ZNF430: variants seen among roughly 807,000 people sequenced by gnomAD.
The protein encoded by ZNF430 is zinc finger protein 430.
ZNF430 carries 35 observed loss-of-function variants against 56.7 expected under a neutral mutation model. The observed-to-expected ratio is 0.62, with a 90% confidence interval of 0.47 to 0.82. The LOEUF is 0.82. Among genes scored for constraint, ZNF430 ranks in the 40% least tolerant of loss-of-function variants. The probability of loss-of-function intolerance (pLI) is 0.00; values close to 1 mark genes in which losing one functional copy is unlikely to be tolerated. For synonymous variants in ZNF430, 212 were observed against 224.3 expected (o/e 0.94, Z 0.49); for missense variants, 574 against 661.0 (o/e 0.87, Z 1.44).
chr19:21,049,421 A>G (rs1417899632), intron 4 of ZNF430: 1 of 152,020 alleles, frequency 6.6e-6, no homozygotes, highest in African/African-American at 2.4e-5. Flanking sequence ...GGAGCTTTAT[A>G]TATGGTTTTA....
intron 4 of ZNF430, chr19:21,036,111 T>C (rs563684153): frequency 6.6e-6 from 1 of 152,390 alleles, no homozygotes; most frequent in East Asian, 1.9e-4. Context: ...TTGTGTTTTT[T>C]TGTTTCACTT....
intron 4 of ZNF430, among the ~76,000 whole-genome samples, chr19:21,041,363 A>G (rs1968099305): frequency 6.6e-6 from 1 of 152,144 alleles, no homozygotes; most frequent in African/African-American, 2.4e-5. Context: ...CAGACTCCTG[A>G]GTTAAAGTAA....
At chr19:21,048,263 T>C (rs1387081997) in intron 4 of ZNF430, among the ~76,000 whole-genome samples, 1 of 126,896 alleles carries the variant, frequency 7.9e-6, no homozygotes, top group Non-Finnish European at 1.6e-5. Flanking sequence ...AGGACAATAG[T>C]GGAGGGAAGG....
chr19:21,033,132 C>T (rs1967932341), intron 2 of ZNF430, among the ~76,000 whole-genome samples: 2 of 151,918 alleles, frequency 1.3e-5, no homozygotes, highest in Non-Finnish European at 2.9e-5. Flanking sequence ...AGGCGGGTGG[C>T]TCACCTGAGG....
intron 4 of ZNF430, among the ~76,000 whole-genome samples, chr19:21,051,984 G>A (rs1475225832): frequency 1.3e-5 from 2 of 151,504 alleles, no homozygotes; most frequent in African/African-American, 4.9e-5. Context: ...AAAATGCAAT[G>A]AGAAATTAAA....
At chr19:21,055,190 T>C (rs1599509626) in intron 4 of ZNF430, among the ~76,000 whole-genome samples, 1 of 152,052 alleles carries the variant, frequency 6.6e-6, no homozygotes, top group African/African-American at 2.4e-5. Context: ...TCTCTGAAAC[T>C]TTTATATTTT....
intron 2 of ZNF430, among the ~76,000 whole-genome samples, chr19:21,027,659 G>C (rs940019635): frequency 5.3e-5 from 8 of 151,862 alleles, no homozygotes; most frequent in Admixed American, 2.6e-4. Context: ...TATATATAAT[G>C]AGTTGAAAAG....
rs139798103 is a variant in ZNF430, at chr19:21,057,877, C to T, written c.1569C>T (p.Ser523=). The change falls in exon 5 of 5, where the codon AGC becomes AGT. Residue 523 remains serine (S), a synonymous_variant. Coordinates refer to ENST00000261560, the MANE Select transcript of ZNF430 (RefSeq NM_025189.4). ...ACCTAGAATGTGATAAAGCCTTTAG[C>T]CAGTCTTCAACTCTTACTAAACATA... is the stretch of plus-strand genomic sequence containing the variant. ...YKYLECDKAF[S]QSSTLTKHKV... 15 of 1,613,398 alleles carry T rather than the reference C, an allele frequency of 9.3e-6. No individual in the cohort carries two copies. In the African/African-American group the frequency reaches 1.7e-4, roughly 19 times the overall value.
chr19:21,056,539 A>C, intron 4 of ZNF430, 92 bp from the exon 5 acceptor site: 1 of 909,406 alleles, frequency 1.1e-6, no homozygotes, highest in South Asian at 2.7e-5. Context: ...CATCTTGTTT[A>C]TGTAGTTTGT....
At chr19:21,047,510 G>A (rs180682243) in intron 4 of ZNF430, among the ~76,000 whole-genome samples, 1 of 152,120 alleles carries the variant, frequency 6.6e-6, no homozygotes, top group Non-Finnish European at 1.5e-5. Context: ...CCTTTGGATG[G>A]GATGCTTGTG....
intron 4 of ZNF430, among the ~76,000 whole-genome samples, chr19:21,054,788 C>T (rs1327306530): frequency 6.6e-6 from 1 of 150,444 alleles, no homozygotes; most frequent in Non-Finnish European, 1.5e-5. Flanking sequence ...CATTCTCCTG[C>T]CTCAGCCTCC....
chr19:21,034,247 G>A, intron 4 of ZNF430, 63 bp downstream of exon 4: 1 of 1,151,540 alleles, frequency 8.7e-7, no homozygotes, highest in Non-Finnish European at 1.2e-6. Context: ...GAAAGCCAAT[G>A]CTTAAAATGT....
chr19:21,031,979 C>G (rs1452890736), intron 2 of ZNF430, among the ~76,000 whole-genome samples: 1 of 152,102 alleles, frequency 6.6e-6, no homozygotes, highest in Non-Finnish European at 1.5e-5. Context: ...TTCTTATATG[C>G]CACGCAGAAT....
chr19:21,058,140 CT>C lies in ZNF430; in HGVS notation c.*121del. ...CAAAGCCTTCAACAAGTCCTCAATTCTTACCAGACATAAGATAATTCTGGCT... is the reference window on the plus strand; with the variant it reads ...CAAAGCCTTCAACAAGTCCTCAATTCTACCAGACATAAGATAATTCTGGCT... On this transcript the variant is annotated 3_prime_UTR_variant, in exon 5 of 5. Coordinates refer to ENST00000261560, the MANE Select transcript of ZNF430 (RefSeq NM_025189.4). 1.1e-6 allele frequency: 1 copy of C among 950,904 alleles called. No individual in the cohort carries two copies. Among genetic ancestry groups the C allele is most frequent in the Non-Finnish European group, 1.5e-6 (1 of 649,782 alleles). The allele number at this position is 950,904 out of a possible 1,614,324, so 58.9% of individuals were successfully genotyped here.
In ZNF430 at chr19:21,058,062, A is replaced by G; in HGVS notation, c.*41A>G. 2 of 1,551,474 alleles carry G rather than the reference A, an allele frequency of 1.3e-6. No homozygotes were observed. Among genetic ancestry groups the G allele is most frequent in the Non-Finnish European group, 1.8e-6 (2 of 1,141,950 alleles). On this transcript the variant is annotated 3_prime_UTR_variant, in exon 5 of 5. Coordinates refer to ENST00000261560, the MANE Select transcript of ZNF430 (RefSeq NM_025189.4). ...CTCTAACCCGTCCTGAATTCTTACTAAACATAAGAACATTCATACTGAAGA... is the reference window on the plus strand; with the variant it reads ...CTCTAACCCGTCCTGAATTCTTACTGAACATAAGAACATTCATACTGAAGA...
rs1968410970 is a variant in ZNF430 at position 21,057,941 on chromosome 19, G to C, written c.1633G>C (p.Glu545Gln). ...HTGEKPYNCE[E>Q]YGKAFNQSSN... ...TGGAGAGAAACCCTACAACTGTGAA[G>C]AATACGGCAAAGCTTTCAACCAGTC... The change falls in exon 5 of 5, where the codon GAA (glutamate) becomes CAA (glutamine). Residue 545 changes from glutamate (E) to glutamine (Q), a missense_variant. By Grantham distance (29) the Glu-to-Gln change is conservative (BLOSUM62 2). Coordinates refer to ENST00000261560, the MANE Select transcript of ZNF430 (RefSeq NM_025189.4). 6.2e-7 allele frequency: 1 copy of C among 1,612,546 alleles called. No homozygotes were observed. The highest frequency in any genetic ancestry group is 2.2e-5 in the East Asian group (1 of 44,702).
intron 4 of ZNF430, among the ~76,000 whole-genome samples, chr19:21,044,149 CTTG>C (rs1968150826): frequency 6.6e-6 from 1 of 151,846 alleles, no homozygotes; most frequent in African/African-American, 2.4e-5. Flanking sequence ...AGAGGGCCTT[CTTG>C]TTGTGCCAGT....
chr19:21,026,827 C>CTTTTTTTTTTTTT lies in ZNF430; in HGVS notation c.96+3957_96+3969dup, dbSNP rs747809260. Among the ~76,000 whole-genome samples the CTTTTTTTTTTTTT allele has an allele frequency of 2.2e-3, 152 of 68,726 alleles. 19 individuals carry two copies. Among genetic ancestry groups the CTTTTTTTTTTTTT allele is most frequent in the Non-Finnish European group, 2.7e-3 (107 of 39,472 alleles). The allele number at this position is 68,726 out of a possible 152,430, so 45.1% of individuals were successfully genotyped here. A position where few individuals can be genotyped will look rare whatever the true frequency, so the allele number is the denominator to read the frequency against. ...TTGGATGCCTTTTTTCTTTTCTTTT[C>CTTTTTTTTTTTTT]TTTTTTTTTTTTTTTTTTTTTTTGA... On this transcript the variant is annotated intron_variant, in intron 2 of 4. Transcript: ENST00000261560.
intron 4 of ZNF430, 194 bp downstream of exon 4, chr19:21,034,378 C>T (rs936592850): frequency 9.9e-5 from 44 of 442,460 alleles, no homozygotes; most frequent in Non-Finnish European, 1.6e-4. Context: ...GATTCTTTCC[C>T]CTTGGTGATC....
Sources: gnomAD v4.1 joint callset for allele counts (sites outside exome capture counted in the v4.1 genomes callset) on GRCh38, gnomAD v4.1.1 for gene constraint, MANE v1.5 for transcripts, NCBI Gene and HGNC (gene_info 2026-07-23, HGNC 2026-07-21) for gene names.